ATP7B: variants seen among roughly 807,000 people sequenced by gnomAD.
ATP7B encodes copper-transporting ATPase 2.
Under a neutral mutation model 118.9 loss-of-function variants are expected in ATP7B, and 113 were observed. That is an observed-to-expected ratio of 0.95 (90% CI 0.82 to 1.11). ATP7B has a LOEUF of 1.11. Among genes scored for constraint, ATP7B ranks in the 50% most tolerant of loss-of-function variants. ATP7B has a pLI of 0.00. For synonymous variants in ATP7B, 777 were observed against 727.4 expected (o/e 1.07, Z -1.10); for missense variants, 1,867 against 1,871.4 (o/e 1.00, Z 0.04).
intron 5 of ATP7B, among the ~76,000 whole-genome samples, chr13:51,963,969 T>C (rs1958925841): frequency 6.6e-6 from 1 of 151,828 alleles, no homozygotes; most frequent in Non-Finnish European, 1.5e-5. Flanking sequence ...GGAGAATCTC[T>C]TGACCTGGGA....
intron 9 of ATP7B, among the ~76,000 whole-genome samples, chr13:51,956,966 A>C (rs1290397127): frequency 6.6e-6 from 1 of 152,162 alleles, no homozygotes. Context: ...TCTGTAAATT[A>C]AGAGTAATAA....
chr13:51,962,646 A>G (rs1316350497), intron 5 of ATP7B, among the ~76,000 whole-genome samples: 2 of 152,214 alleles, frequency 1.3e-5, no homozygotes, highest in African/African-American at 4.8e-5. Flanking sequence ...TCCTTTTACA[A>G]GTAATACCAG....
chr13:52,011,167 T>TGG, intron 1 of ATP7B, 120 bp downstream of exon 1: 1 of 1,418,894 alleles, frequency 7.0e-7, no homozygotes, highest in Non-Finnish European at 1.0e-6. Flanking sequence ...TCCCTGGAGC[T>TGG]GGGGTCTGGC....
intron 4 of ATP7B, among the ~76,000 whole-genome samples, chr13:51,967,663 T>G (rs1951631030): frequency 6.6e-6 from 1 of 152,192 alleles, no homozygotes; most frequent in Non-Finnish European, 1.5e-5. Flanking sequence ...TGCTTTCCCC[T>G]CAAACATCCA....
At chr13:52,000,367 A>C (rs1953433476) in intron 1 of ATP7B, among the ~76,000 whole-genome samples, 1 of 152,202 alleles carries the variant, frequency 6.6e-6, no homozygotes, top group African/African-American at 2.4e-5. Flanking sequence ...AGCCTCTTTT[A>C]TAAGGGCACT....
At chr13:51,964,844 G>T (rs1354149062) in intron 5 of ATP7B, 28 bp downstream of exon 5, 1 of 1,607,938 alleles carries the variant, frequency 6.2e-7, no homozygotes, top group Non-Finnish European at 8.5e-7. Context: ...TTAAAAAGGT[G>T]ACTACAATTT....
chr13:52,005,016 A>C (rs1480348663), intron 1 of ATP7B, among the ~76,000 whole-genome samples: 1 of 152,210 alleles, frequency 6.6e-6, no homozygotes, highest in Non-Finnish European at 1.5e-5. Context: ...GGAGCACCGC[A>C]GAATGCAGGA....
At chr13:52,001,784 G>A (rs1953501725) in intron 1 of ATP7B, among the ~76,000 whole-genome samples, 1 of 140,928 alleles carries the variant, frequency 7.1e-6, no homozygotes, top group Non-Finnish European at 1.6e-5. Context: ...CACAAGTGCA[G>A]GAATCCTTCA....
intron 12 of ATP7B, among the ~76,000 whole-genome samples, chr13:51,949,281 T>C (rs1326414784): frequency 2.6e-5 from 4 of 152,222 alleles, no homozygotes; most frequent in African/African-American, 7.2e-5. Flanking sequence ...CATCAAAAGA[T>C]ATTTTTCTTA....
intron 1 of ATP7B, among the ~76,000 whole-genome samples, chr13:51,995,740 T>C (rs917842982): frequency 6.6e-6 from 1 of 152,136 alleles, no homozygotes; most frequent in African/African-American, 2.4e-5. Context: ...CTTTGGGAAC[T>C]TGGGCAGGCT....
intron 6 of ATP7B, 122 bp downstream of exon 6, chr13:51,961,715 G>T: frequency 1.1e-6 from 1 of 946,632 alleles, no homozygotes; most frequent in Non-Finnish European, 1.7e-6. Context: ...CATTACAAGG[G>T]TAAAGGCAGC....
chr13:51,956,964 T>G (rs902560100), intron 9 of ATP7B, among the ~76,000 whole-genome samples: 2 of 152,126 alleles, frequency 1.3e-5, no homozygotes, highest in African/African-American at 4.8e-5. Context: ...CATCTGTAAA[T>G]TAAGAGTAAT....
At position 51,946,406 on chromosome 13, in the gene ATP7B, A is replaced by C. The variant is rs576235742; in HGVS notation, c.2938T>G (p.Cys980Gly). Residue 980 changes from cysteine to glycine, a missense_variant, in exon 13 of 21, where the codon TGC (cysteine) becomes GGC (glycine). By Grantham distance (159) the Cys-to-Gly change is radical. Transcript: ENST00000242839. Reference sequence around the variant, plus strand: ...CCCAGGGAGCAGGGGCAGGCAATGCACAGCACCGTGATGGACGTCTGGAAA... The same window carrying C: ...CCCAGGGAGCAGGGGCAGGCAATGCCCAGCACCGTGATGGACGTCTGGAAA... ...FAFQTSITVL[C>G]IACPCSLGLA... 6.2e-7 allele frequency: 1 copy of C among 1,614,146 alleles called. No homozygotes were observed. The highest frequency in any genetic ancestry group is 1.1e-5 in the South Asian group (1 of 91,062).
At chr13:52,009,818 G>A (rs892052468) in intron 1 of ATP7B, among the ~76,000 whole-genome samples, 6 of 151,912 alleles carry the variant, frequency 3.9e-5, no homozygotes, top group African/African-American at 1.5e-4. Context: ...CTATGTGTTT[G>A]AGCACATAGT....
intron 1 of ATP7B, among the ~76,000 whole-genome samples, chr13:51,987,075 C>A (rs1431026301): frequency 6.6e-6 from 1 of 152,178 alleles, no homozygotes; most frequent in Admixed American, 6.5e-5. Flanking sequence ...CCAGGGCAAT[C>A]AGGCAAGAGA....
rs200040590 is a variant in ATP7B at position 51,977,475 on chromosome 13, TG to T, written c.52-2308del. On this transcript the variant is annotated intron_variant, in intron 1 of 20. Coordinates refer to ENST00000242839, the MANE Select transcript of ATP7B (RefSeq NM_000053.4). Reference sequence around the variant, plus strand: ...CTTCCATCTCTACATCTTCTCCCACTGGAAGGTCTTCAGGTGCGATAACAGG... The same window carrying T: ...CTTCCATCTCTACATCTTCTCCCACTGAAGGTCTTCAGGTGCGATAACAGG... Among the ~76,000 whole-genome samples, 800 of 152,324 alleles carry T rather than the reference TG, an allele frequency of 5.3e-3. 24 individuals carry two copies. Among genetic ancestry groups the T allele is most frequent in the Admixed American group, 0.045 (695 of 15,292 alleles).
chr13:52,000,179 T>C (rs893613304), intron 1 of ATP7B, among the ~76,000 whole-genome samples: 2 of 152,176 alleles, frequency 1.3e-5, no homozygotes, highest in Non-Finnish European at 2.9e-5. Flanking sequence ...TATCACAAAA[T>C]ACCTTAGACT....
rs1957667442 is a variant in ATP7B, at chr13:51,946,465, T to C, written c.2879A>G (p.His960Arg). ...VQRYFPNPNK[H>R]ISQTEVIIRF... ...GATGATCACCTCTGTCTGGGAGATG[T>C]GCTTGTTGGGGTTCTGAAAACAGGA... The change falls in exon 13 of 21, where the codon CAC (histidine) becomes CGC (arginine). Residue 960 changes from histidine to arginine, a missense_variant. Coordinates refer to ENST00000242839, the MANE Select transcript of ATP7B (RefSeq NM_000053.4). 1 of 1,614,060 alleles carries C rather than the reference T, an allele frequency of 6.2e-7. No homozygotes were observed. Among genetic ancestry groups the C allele is most frequent in the Non-Finnish European group, 8.5e-7 (1 of 1,180,026 alleles).
In ATP7B at chr13:51,935,615, G is replaced by A. The variant is rs768467658; in HGVS notation, c.4102C>T (p.Leu1368Phe). 3 of 1,613,590 alleles carry A rather than the reference G, an allele frequency of 1.9e-6. No homozygotes were observed. The highest frequency in any genetic ancestry group is 2.5e-6 in the Non-Finnish European group (3 of 1,179,920). ...CACCACTTGAGCTGCAGGGATGAGA[G>A]CACCACAGACACAGAGGAGGCTGCC... is the stretch of plus-strand genomic sequence containing the variant. ...AMAASSVSVV[L>F]SSLQLKCYKK... Residue 1368 changes from leucine (L) to phenylalanine (F), a missense_variant, in exon 20 of 21, where the codon CTC becomes TTC. Physicochemically the swap from Leu to Phe is conservative, Grantham distance 22. Coordinates refer to ENST00000242839, the MANE Select transcript of ATP7B (RefSeq NM_000053.4).
Sources: gnomAD v4.1 joint callset for allele counts (sites outside exome capture counted in the v4.1 genomes callset) on GRCh38, gnomAD v4.1.1 for gene constraint, MANE v1.5 for transcripts, NCBI Gene and HGNC (gene_info 2026-07-23, HGNC 2026-07-21) for gene names.